The following DHRS7B variants were observed in gnomAD, a reference collection of about 807,000 sequenced individuals.
DHRS7B encodes the protein dehydrogenase/reductase 7B.
DHRS7B carries 24 observed loss-of-function variants against 26.4 expected under a neutral mutation model. The ratio of observed to expected loss-of-function variants is 0.91; its 90% CI spans 0.66 to 1.28. The LOEUF (loss-of-function observed/expected upper bound fraction) is 1.28, where lower values mean the gene tolerates loss of function less well. Ranked by LOEUF, DHRS7B falls within the 50% of genes most tolerant of loss-of-function variation. The probability of loss-of-function intolerance (pLI) is 0.00; values close to 1 mark genes in which losing one functional copy is unlikely to be tolerated. For synonymous variants in DHRS7B, 142 were observed against 166.4 expected, an observed-to-expected ratio of 0.85 and a Z score of 1.13; for missense variants, 368 against 419.4, an observed-to-expected ratio of 0.88 and a Z score of 1.07.
At chr17:21,145,403 C>T (rs554080404) in intron 1 of DHRS7B, among the ~76,000 whole-genome samples, 4 of 151,910 alleles carry the variant, frequency 2.6e-5, no homozygotes, top group African/African-American at 9.7e-5. Context: ...CTTCAGAAAA[C>T]GTGTTTAAAA....
chr17:21,140,628 A>G (rs777252595), intron 1 of DHRS7B, among the ~76,000 whole-genome samples: 16 of 151,782 alleles, frequency 1.1e-4, no homozygotes, highest in Non-Finnish European at 2.4e-4. Context: ...GTTGGATCTA[A>G]ACAGTGGTTT....
chr17:21,136,728 G>A (rs1033740263), intron 1 of DHRS7B, among the ~76,000 whole-genome samples: 5 of 151,638 alleles, frequency 3.3e-5, no homozygotes, highest in African/African-American at 1.2e-4. Context: ...GCTAATTTTT[G>A]TATTTTTAGT....
chr17:21,179,762 C>CTTTTTTTTTTTTTT (rs55928399), intron 3 of DHRS7B, among the ~76,000 whole-genome samples: 1 of 137,608 alleles, frequency 7.3e-6, no homozygotes. Context: ...TTTTCACTTT[C>CTTTTTTTTTTTTTT]TTTTTTTTTT....
chr17:21,178,187 G>T, intron 2 of DHRS7B, 46 bp from the exon 3 acceptor site: 1 of 1,569,154 alleles, frequency 6.4e-7, no homozygotes, highest in South Asian at 1.1e-5. Flanking sequence ...TAAACTGAAC[G>T]GCACTGAGGA....
intron 1 of DHRS7B, among the ~76,000 whole-genome samples, chr17:21,156,780 G>T (rs1459852344): frequency 2.7e-5 from 4 of 145,648 alleles, no homozygotes; most frequent in Non-Finnish European, 4.5e-5. Flanking sequence ...GGACGTGGTG[G>T]CATGCACCTG....
intron 1 of DHRS7B, among the ~76,000 whole-genome samples, chr17:21,129,243 A>T (rs1191826990): frequency 6.6e-6 from 1 of 152,214 alleles, no homozygotes; most frequent in East Asian, 1.9e-4. Flanking sequence ...AGTCACCGGC[A>T]TGCGGAGGGG....
intron 6 of DHRS7B, 84 bp from the exon 7 acceptor site, chr17:21,190,863 GA>G: frequency 7.0e-7 from 1 of 1,422,208 alleles, no homozygotes. Context: ...GCAGCAGGCT[GA>G]CCTGACGACT....
intron 1 of DHRS7B, among the ~76,000 whole-genome samples, chr17:21,130,954 A>G (rs1329915197): frequency 6.6e-6 from 1 of 152,206 alleles, no homozygotes; most frequent in Non-Finnish European, 1.5e-5. Context: ...CAGATAGGAA[A>G]TACAACAAAT....
chr17:21,168,555 G>C (rs527319142), intron 1 of DHRS7B, among the ~76,000 whole-genome samples: 1 of 152,250 alleles, frequency 6.6e-6, no homozygotes, highest in East Asian at 1.9e-4. Context: ...TTTTTGTAGA[G>C]ACGGGATTTC....
In DHRS7B at chr17:21,172,196, G is replaced by A; in HGVS notation, c.199G>A (p.Glu67Lys). Residue 67 changes from glutamate to lysine, a missense_variant and splice_region_variant, in exon 2 of 7, where the codon GAA becomes AAA. Physicochemically the swap from Glu to Lys is moderately conservative, Grantham distance 56. Coordinates refer to ENST00000395511, the MANE Select transcript of DHRS7B (RefSeq NM_015510.5). ...AGGCGCCACCTCAGGGCTGGGCAAAGGTGGGTCCTGGAGGCAGTGCTGCCA... is the reference window on the plus strand; with the variant it reads ...AGGCGCCACCTCAGGGCTGGGCAAAAGTGGGTCCTGGAGGCAGTGCTGCCA... ...ITGATSGLGKECAKVFYAAGA... is the reference protein window; with the variant it reads ...ITGATSGLGKKCAKVFYAAGA... 6.2e-7 allele frequency: 1 copy of A among 1,609,458 alleles called. No individual in the cohort carries two copies. The highest frequency in any genetic ancestry group is 8.5e-7 in the Non-Finnish European group (1 of 1,178,102).
In DHRS7B at chr17:21,191,200, T is replaced by G. The variant is rs372791302; in HGVS notation, c.*47T>G. 4.4e-5 allele frequency: 70 copies of G among 1,580,066 alleles called. No individual in the cohort carries two copies. Among genetic ancestry groups the G allele is most frequent in the African/African-American group, 3.5e-4 (26 of 74,082 alleles). ...GGGCAGAGAAGCAGCACTCTTAGGC[T>G]TGCTTACTCTACAAGGGACAGTTGC... On this transcript the variant is annotated 3_prime_UTR_variant, in exon 7 of 7. Transcript: ENST00000395511.
At chr17:21,150,549 G>A (rs1036864602) in intron 1 of DHRS7B, among the ~76,000 whole-genome samples, 6 of 152,152 alleles carry the variant, frequency 3.9e-5, no homozygotes, top group South Asian at 2.1e-4. Context: ...CCCAGGAGGC[G>A]GAGGTTGCAA....
At chr17:21,127,106 C>A in intron 1 of DHRS7B, 115 bp downstream of exon 1, 1 of 1,182,990 alleles carries the variant, frequency 8.5e-7, no homozygotes, top group Non-Finnish European at 1.1e-6. Flanking sequence ...GCTAAGGCCG[C>A]GGGCCCTGGG....
chr17:21,137,674 C>T (rs981105316), intron 1 of DHRS7B, among the ~76,000 whole-genome samples: 4 of 152,092 alleles, frequency 2.6e-5, no homozygotes, highest in African/African-American at 9.7e-5. Flanking sequence ...TCAGGCTGGT[C>T]TCGAACTCCC....
chr17:21,166,553 A>T (rs1974118852), intron 1 of DHRS7B: 1 of 424,614 alleles, frequency 2.4e-6, no homozygotes, highest in East Asian at 1.6e-4. Context: ...AAAAAAAAAA[A>T]GGCAGTTTGA....
intron 5 of DHRS7B, among the ~76,000 whole-genome samples, chr17:21,187,092 A>AATATATAT (rs753119146): frequency 3.5e-5 from 2 of 57,042 alleles, no homozygotes; most frequent in Non-Finnish European, 6.5e-5. Flanking sequence ...TCTGTATTAA[A>AATATATAT]AGATATATAT....
At chr17:21,169,037 C>T (rs541925748) in intron 1 of DHRS7B, 28 of 495,494 alleles carry the variant, frequency 5.7e-5, no homozygotes, top group African/African-American at 5.4e-4. Flanking sequence ...TCCTGCTCCT[C>T]CCTGGGTGTG....
At chr17:21,145,692 A>G (rs76013648) in intron 1 of DHRS7B, among the ~76,000 whole-genome samples, 5,304 of 152,286 alleles carry the variant, frequency 0.035, 129 homozygotes, top group Non-Finnish European at 0.057. Context: ...CACCCATTCT[A>G]TTTTTCACTT....
At chr17:21,181,132 G>A (rs1974506646) in intron 3 of DHRS7B, among the ~76,000 whole-genome samples, 1 of 152,120 alleles carries the variant, frequency 6.6e-6, no homozygotes, top group African/African-American at 2.4e-5. Flanking sequence ...GGTCATCTAG[G>A]CTAGAGTTCA....
Sources: gnomAD v4.1 joint callset for allele counts (sites outside exome capture counted in the v4.1 genomes callset) on GRCh38, gnomAD v4.1.1 for gene constraint, MANE v1.5 for transcripts, NCBI Gene and HGNC (gene_info 2026-07-23, HGNC 2026-07-21) for gene names.